ARL10: variants seen among roughly 807,000 people sequenced by gnomAD.
The protein encoded by ARL10 is ADP-ribosylation factor-like protein 10.
In ARL10, 23 loss-of-function variants were observed where a neutral mutation model predicts 26.1. The ratio of observed to expected loss-of-function variants is 0.88; its 90% CI spans 0.63 to 1.25. The LOEUF (loss-of-function observed/expected upper bound fraction) is 1.25, where lower values mean the gene tolerates loss of function less well. Among genes scored for constraint, ARL10 ranks in the 50% most tolerant of loss-of-function variants. ARL10 has a pLI of 0.00. For missense variants in ARL10, 300 were observed against 323.6 expected, an observed-to-expected ratio of 0.93 and a Z score of 0.56; for synonymous variants, 138 against 149.1, an observed-to-expected ratio of 0.93 and a Z score of 0.54.
At chr5:176,385,100 A>G (rs1755722426), downstream of ARL10, 3 of 731,910 alleles carry the variant, frequency 4.1e-6, no homozygotes, top group Middle Eastern at 3.7e-4. Context: ...CATTTCCTAG[A>G]GTCTCTTTTG....
At chr5:176,369,858 C>T (rs1768479021) in intron 3 of ARL10, among the ~76,000 whole-genome samples, 2 of 151,408 alleles carry the variant, frequency 1.3e-5, no homozygotes, top group South Asian at 4.1e-4. Context: ...ACTTTAGAGG[C>T]TGAGGCAGAA....
the ARL10 span, chr5:176,410,243 A>G: frequency 1.9e-6 from 3 of 1,613,438 alleles, no homozygotes; most frequent in South Asian, 3.3e-5. Context: ...CTGCTGAGAC[A>G]GAGCCTTGCT....
intron 1 of ARL10, among the ~76,000 whole-genome samples, chr5:176,399,658 C>T (rs545067075): frequency 6.6e-6 from 1 of 152,282 alleles, no homozygotes; most frequent in Non-Finnish European, 1.5e-5. Context: ...CTTTGGGAGG[C>T]CGAAGCGGGC....
At chr5:176,370,970 C>A (rs1454886343) in intron 3 of ARL10, among the ~76,000 whole-genome samples, 1 of 152,180 alleles carries the variant, frequency 6.6e-6, no homozygotes, top group African/African-American at 2.4e-5. Flanking sequence ...TACCTTAGCT[C>A]AATGATGTCA....
intron 1 of ARL10, chr5:176,397,550 TC>T (rs1345855047): frequency 2.9e-5 from 9 of 313,774 alleles, no homozygotes; most frequent in African/African-American, 2.7e-4. Context: ...CCCCCTCATG[TC>T]CCCACAGCCC....
chr5:176,384,217 G>A, downstream of ARL10: 1 of 1,614,212 alleles, frequency 6.2e-7, no homozygotes, highest in Non-Finnish European at 8.5e-7. Context: ...TGGGGCAGCT[G>A]TGATGTAAAC....
chr5:176,390,855 T>C (rs899123600), downstream of ARL10, among the ~76,000 whole-genome samples: 1 of 152,166 alleles, frequency 6.6e-6, no homozygotes, highest in Non-Finnish European at 1.5e-5. Context: ...TTTGTGTACA[T>C]AGTGTTTGAG....
chr5:176,366,445 G>A lies in ARL10; in HGVS notation c.249G>A (p.Leu83=). Residue 83 remains leucine, a synonymous_variant, in exon 2 of 4, where the codon CTG becomes CTA. Coordinates refer to ENST00000310389, the MANE Select transcript of ARL10 (RefSeq NM_173664.6). ...TGGAACAGCGCGAGGTGCTGGTGCT[G>A]GGGCTGGATGGCGCAGGCAAGAGCA... ...EELEQREVLV[L]GLDGAGKSTF... 6.2e-7 allele frequency: 1 copy of A among 1,613,546 alleles called. No individual in the cohort carries two copies. Among genetic ancestry groups the A allele is most frequent in the Admixed American group, 1.7e-5 (1 of 60,004 alleles).
intron 1 of ARL10, 122 bp downstream of exon 1, chr5:176,365,868 C>T: frequency 9.3e-7 from 1 of 1,078,094 alleles, no homozygotes; most frequent in South Asian, 4.6e-5. Flanking sequence ...GGGTCGAGGG[C>T]TTGGCAGCCG....
At chr5:176,397,620 T>C in intron 1 of ARL10, 2 of 1,585,334 alleles carry the variant, frequency 1.3e-6, no homozygotes, top group Non-Finnish European at 1.7e-6. Context: ...TTGTTGATCT[T>C]GTTCTTCTCT....
Position 176,373,946 on chromosome 5 carries a change from A to G in ARL10, c.*2051A>G, listed in dbSNP as rs1768620446. 1 of 152,254 alleles carries G rather than the reference A, an allele frequency of 6.6e-6. No individual in the cohort carries two copies. Among genetic ancestry groups the G allele is most frequent in the Admixed American group, 6.5e-5 (1 of 15,290 alleles). 9.4% of individuals were successfully genotyped at this position (152,254 alleles called of 1,614,324 possible). A position where few individuals can be genotyped will look rare whatever the true frequency, so the allele number is the denominator to read the frequency against. ...AAAAAAGATTCGTGAACTGGTTAGT[A>G]CTTAGCACCAAAAGCAGTTCAGAAT... On this transcript the variant is annotated 3_prime_UTR_variant, in exon 4 of 4. Coordinates refer to ENST00000310389, the MANE Select transcript of ARL10 (RefSeq NM_173664.6).
At chr5:176,388,852 C>T (rs1756125218), downstream of ARL10, 4 of 1,614,086 alleles carry the variant, frequency 2.5e-6, no homozygotes, top group Non-Finnish European at 3.4e-6. Context: ...TTCCGGAGGT[C>T]CCCTTTGAAC....
the ARL10 span, among the ~76,000 whole-genome samples, chr5:176,414,218 G>C: frequency 1.2e-4 from 19 of 152,268 alleles, no homozygotes; most frequent in African/African-American, 4.1e-4. Flanking sequence ...TGAGGAAAAG[G>C]GTGGTCTCAC....
downstream of ARL10, chr5:176,393,030 C>G: frequency 6.9e-7 from 1 of 1,447,328 alleles, no homozygotes. The surrounding 1 kb of genome is among the most constrained non-coding windows in gnomAD (Gnocchi z 4.4). Context: ...GCCCAGCCTA[C>G]TCTGGGGCAC....
chr5:176,369,055 C>T, intron 3 of ARL10, 73 bp downstream of exon 3: 1 of 1,574,926 alleles, frequency 6.3e-7, no homozygotes, highest in Non-Finnish European at 8.6e-7. Context: ...GCAAGGAGCG[C>T]TGCCTGGGCC....
At chr5:176,389,025 G>T, downstream of ARL10, 1 of 1,600,052 alleles carries the variant, frequency 6.2e-7, no homozygotes, top group South Asian at 1.1e-5. Context: ...ATGTCGGAGG[G>T]AAGGAAGTAG....
At chr5:176,409,320 A>G in the ARL10 span, among the ~76,000 whole-genome samples, 1 of 146,530 alleles carries the variant, frequency 6.8e-6, no homozygotes, top group Non-Finnish European at 1.5e-5. Context: ...AAAGGACCAT[A>G]CTGTGTATAT....
chr5:176,399,120 A>G (rs1002749360), intron 1 of ARL10, among the ~76,000 whole-genome samples: 3 of 152,136 alleles, frequency 2.0e-5, no homozygotes, highest in African/African-American at 7.2e-5. Context: ...CTGGGATTAC[A>G]GGCTTGAGCC....
rs768174434 is a variant in ARL10 at position 176,366,521 on chromosome 5, A to C, written c.325A>C (p.Thr109Pro). 6.2e-7 allele frequency: 1 copy of C among 1,614,104 alleles called. No individual in the cohort carries two copies. The highest frequency in any genetic ancestry group is 8.5e-7 in the Non-Finnish European group (1 of 1,180,014). ...GKPPLEGHIP[T>P]WGFNSVRLPT... Reference sequence around the variant, plus strand: ...GCCACCGCTGGAAGGCCACATCCCCACCTGGGGCTTCAACTCCGTGCGTCT... The same window carrying C: ...GCCACCGCTGGAAGGCCACATCCCCCCCTGGGGCTTCAACTCCGTGCGTCT... Residue 109 changes from threonine (T) to proline (P), a missense_variant, in exon 2 of 4, where the codon ACC becomes CCC. Transcript: ENST00000310389.
Sources: gnomAD v4.1 joint callset for allele counts (sites outside exome capture counted in the v4.1 genomes callset) on GRCh38, gnomAD v4.1.1 for gene constraint, Gnocchi (gnomAD v3.1) non-coding constraint, MANE v1.5 for transcripts, NCBI Gene and HGNC (gene_info 2026-07-23, HGNC 2026-07-21) for gene names.